INTS10: variants seen among roughly 807,000 people sequenced by gnomAD.
INTS10 encodes chromosome 8 open reading frame 35.
In INTS10, 44 loss-of-function variants were observed where a neutral mutation model predicts 94.4. The ratio of observed to expected loss-of-function variants is 0.47; its 90% confidence interval spans 0.37 to 0.60. INTS10 has a LOEUF of 0.60. Ranked by LOEUF, INTS10 falls within the 20% of genes least tolerant of loss-of-function variation. The pLI, the probability that INTS10 is intolerant of heterozygous loss-of-function variation, is 0.00. For missense variants in INTS10, 797 were observed against 868.7 expected (o/e 0.92, Z 1.04); for synonymous variants, 341 against 320.7 (o/e 1.06, Z -0.68).
chr8:19,823,946 G>A lies in INTS10; in HGVS notation c.738G>A (p.Thr246=), dbSNP rs769531974. Residue 246 remains threonine (T), a synonymous_variant, in exon 7 of 17, where the codon ACG becomes ACA. Coordinates refer to ENST00000397977, the MANE Select transcript of INTS10 (RefSeq NM_018142.4). ...SSQKYIIEGL[T]EKSSQIVDPW... is the part of the protein sequence containing the mutation. Reference sequence around the variant, plus strand: ...AGAAGTACATAATAGAAGGGCTGACGGAAAAATCATCCCAGATCGTGGACC... The same window carrying A: ...AGAAGTACATAATAGAAGGGCTGACAGAAAAATCATCCCAGATCGTGGACC... 9.9e-6 allele frequency: 16 copies of A among 1,613,416 alleles called. No individual in the cohort carries two copies. The highest frequency in any genetic ancestry group is 1.4e-5 in the Non-Finnish European group (16 of 1,179,642).
rs752361766 is a variant in INTS10, at chr8:19,823,291, C to A, written c.524-10C>A. On this transcript the variant is annotated splice_polypyrimidine_tract_variant and intron_variant, in intron 5 of 16. Transcript: ENST00000397977. The stretch of plus-strand genomic sequence containing the variant: ...TAATTAATTTATTTCTTCTTTTTCT[C>A]CTCCAACAGTTTGTGATGTCCTTCC... 4 of 1,600,108 alleles carry A rather than the reference C, an allele frequency of 2.5e-6. No homozygotes were observed. The highest frequency in any genetic ancestry group is 3.4e-6 in the Non-Finnish European group (4 of 1,169,198).
At chr8:19,830,234 C>CA (rs3217496) in intron 9 of INTS10, among the ~76,000 whole-genome samples, 172 bp from the exon 10 acceptor site, 2 of 151,552 alleles carry the variant, frequency 1.3e-5, no homozygotes, top group South Asian at 2.1e-4. Flanking sequence ...AGTATAAAGA[C>CA]AAAAAAAAAT....
In INTS10 at chr8:19,820,102, C is replaced by T. The variant is rs367562548; in HGVS notation, c.302-277C>T. ...TTGAACTTCAACAAGCACATGCTCTCTATCTCAACCTGCAACAGGCATTCT... is the reference window on the plus strand; with the variant it reads ...TTGAACTTCAACAAGCACATGCTCTTTATCTCAACCTGCAACAGGCATTCT... On this transcript the variant is annotated intron_variant, in intron 3 of 16. Coordinates refer to ENST00000397977, the MANE Select transcript of INTS10 (RefSeq NM_018142.4). Among the ~76,000 whole-genome samples, 4 of 152,246 alleles carry T rather than the reference C, an allele frequency of 2.6e-5. No individual in the cohort carries two copies. In the East Asian group the frequency reaches 7.7e-4, roughly 29 times the overall value.
In INTS10 at chr8:19,849,014, A is replaced by C. The variant is rs1590078681; in HGVS notation, c.1977-2635A>C. ...TAGCTTCTCCCCAGTCTCCTTAAAC[A>C]CCCAGCCACGGCCAGGGGCTTGTTG... On this transcript the variant is annotated intron_variant, in intron 16 of 16. Coordinates refer to ENST00000397977, the MANE Select transcript of INTS10 (RefSeq NM_018142.4). The surrounding 1 kb of genome is among the most constrained non-coding windows in gnomAD (Gnocchi z 4.6). The C allele has an allele frequency of 3.1e-6, 1 of 325,842 alleles. No individual in the cohort carries two copies. Among genetic ancestry groups the C allele is most frequent in the African/African-American group, 2.2e-5 (1 of 46,060 alleles). 20.2% of individuals were successfully genotyped at this position (325,842 alleles called of 1,614,324 possible). A position where few individuals can be genotyped will look rare whatever the true frequency, so the allele number is the denominator to read the frequency against.
rs375453388 is a variant in INTS10, at chr8:19,826,438, C to G, written c.1019C>G (p.Pro340Arg). ...TCCCCGTCCTTAGGTCCTAATGCCC[C>G]GAGCCAAGTTCCACTGGTTCTTCTT... ...QPSLFQGPNA[P>R]SQVPLVLLED... The change falls in exon 9 of 17, where the codon CCG becomes CGG. Residue 340 changes from proline (P) to arginine (R), a missense_variant. By Grantham distance (103) the Pro-to-Arg change is moderately radical. This residue lies in a region of INTS10 where 734 missense variants were observed against 787.8 expected (regional missense o/e 0.93). Transcript: ENST00000397977. The G allele has an allele frequency of 6.2e-7, 1 of 1,611,326 alleles. No individual in the cohort carries two copies. Among genetic ancestry groups the G allele is most frequent in the South Asian group, 1.1e-5 (1 of 90,410 alleles).
Position 19,849,153 on chromosome 8 carries a change from T to G in INTS10, c.1977-2496T>G. ...GTGTTTGAATGCTGCTGTTTGCTGTTTTTTAAAGGCCTTCTAGCCCTCCCA... is the reference window on the plus strand; with the variant it reads ...GTGTTTGAATGCTGCTGTTTGCTGTGTTTTAAAGGCCTTCTAGCCCTCCCA... On this transcript the variant is annotated intron_variant, in intron 16 of 16. Coordinates refer to ENST00000397977, the MANE Select transcript of INTS10 (RefSeq NM_018142.4). This position sits in a 1 kb window ranked among gnomAD's most constrained non-coding sequence, Gnocchi z 4.6. 1 of 1,286,556 alleles carries G rather than the reference T, an allele frequency of 7.8e-7. No individual in the cohort carries two copies. Among genetic ancestry groups the G allele is most frequent in the South Asian group, 1.2e-5 (1 of 80,962 alleles). The allele number at this position is 1,286,556 out of a possible 1,614,324, so 79.7% of individuals were successfully genotyped here. A position where few individuals can be genotyped will look rare whatever the true frequency, so the allele number is the denominator to read the frequency against.
At chr8:19,841,379 G>T (rs2068111220) in intron 13 of INTS10, among the ~76,000 whole-genome samples, 1 of 151,916 alleles carries the variant, frequency 6.6e-6, no homozygotes. Flanking sequence ...AAAAGATAAG[G>T]CATAGGCTGC....
chr8:19,824,240 C>T, intron 7 of INTS10, 196 bp downstream of exon 7: 2 of 444,646 alleles, frequency 4.5e-6, no homozygotes, highest in Non-Finnish European at 7.9e-6. Flanking sequence ...ATCTGTAATC[C>T]CAGTGCTTTG....
chr8:19,817,464 CTGCCGT>C lies in INTS10; in HGVS notation c.-73_-68del. ...GCGGTGGCGGCGGCGGCGGCGGTGG[CTGCCGT>C]GGCGGCTGAGAGTCCAGAGCCGGAC... On this transcript the variant is annotated 5_prime_UTR_variant, in exon 1 of 17. Coordinates refer to ENST00000397977, the MANE Select transcript of INTS10 (RefSeq NM_018142.4). The C allele has an allele frequency of 6.5e-7, 1 of 1,542,646 alleles. No individual in the cohort carries two copies. The highest frequency in any genetic ancestry group is 8.7e-7 in the Non-Finnish European group (1 of 1,147,974).
At chr8:19,831,678 G>T (rs2067239224) in intron 10 of INTS10, among the ~76,000 whole-genome samples, 1 of 152,158 alleles carries the variant, frequency 6.6e-6, no homozygotes, top group South Asian at 2.1e-4. Context: ...GTGACAGGGA[G>T]AATGTCTCTA....
At chr8:19,821,446 C>G (rs542779956) in intron 4 of INTS10, 1 of 152,284 alleles carries the variant, frequency 6.6e-6, no homozygotes, top group South Asian at 2.1e-4. Flanking sequence ...CTTTACATGG[C>G]CTTTTTTGTC....
intron 10 of INTS10, among the ~76,000 whole-genome samples, chr8:19,831,612 G>C (rs7835372): frequency 0.17 from 25,660 of 152,104 alleles, 2,439 homozygotes; most frequent in Middle Eastern, 0.28. Flanking sequence ...ACTGCTTGAG[G>C]CCGGAAGGTT....
intron 6 of INTS10, 99 bp downstream of exon 6, chr8:19,823,540 T>C: frequency 2.3e-6 from 2 of 872,916 alleles, no homozygotes; most frequent in Non-Finnish European, 3.6e-6. Context: ...TCTGGATACT[T>C]ACCAGTTTGG....
At chr8:19,819,546 A>T (rs1335682247) in intron 2 of INTS10, 27 bp from the exon 3 acceptor site, 10 of 1,536,718 alleles carry the variant, frequency 6.5e-6, no homozygotes, top group Admixed American at 1.7e-5. Context: ...TTGACATTTT[A>T]ATTTAATGTA....
At position 19,833,153 on chromosome 8, in the gene INTS10, A is replaced by C. The variant is rs370780525; in HGVS notation, c.1378-16A>C. The C allele has an allele frequency of 2.0e-6, 3 of 1,525,208 alleles. No individual in the cohort carries two copies. In the African/African-American group the frequency reaches 4.3e-5, roughly 22 times the overall value. 94.5% of individuals were successfully genotyped at this position (1,525,208 alleles called of 1,614,324 possible). On this transcript the variant is annotated splice_polypyrimidine_tract_variant and intron_variant, in intron 11 of 16. Transcript: ENST00000397977. The stretch of plus-strand genomic sequence containing the variant: ...CAGCGATGCTTTTCCCCTCCTTGCT[A>C]TTCTATCTTTCTTAGGGTCAATATA...
intron 13 of INTS10, among the ~76,000 whole-genome samples, chr8:19,837,692 TGA>T (rs2067771004): frequency 6.6e-6 from 1 of 152,210 alleles, no homozygotes; most frequent in African/African-American, 2.4e-5. Flanking sequence ...ACAGCTGATC[TGA>T]GTTTGTTAGA....
At chr8:19,820,761 A>G (rs1299820461) in intron 4 of INTS10, among the ~76,000 whole-genome samples, 1 of 152,218 alleles carries the variant, frequency 6.6e-6, no homozygotes, top group Admixed American at 6.5e-5. Context: ...GTTTATTGCA[A>G]TCCATATGGT....
chr8:19,841,741 G>A, intron 13 of INTS10: 2 of 446,496 alleles, frequency 4.5e-6, no homozygotes, highest in South Asian at 3.2e-5. Flanking sequence ...AGTTGAACAT[G>A]TCATTACCTA....
At position 19,851,922 on chromosome 8, in the gene INTS10, C is replaced by A; in HGVS notation, c.*117C>A. 1 of 834,096 alleles carries A rather than the reference C, an allele frequency of 1.2e-6. No homozygotes were observed. Among genetic ancestry groups the A allele is most frequent in the Non-Finnish European group, 1.9e-6 (1 of 539,856 alleles). 51.7% of individuals were successfully genotyped at this position (834,096 alleles called of 1,614,324 possible). A position where few individuals can be genotyped will look rare whatever the true frequency, so the allele number is the denominator to read the frequency against. On this transcript the variant is annotated 3_prime_UTR_variant, in exon 17 of 17. Transcript: ENST00000397977. This position sits in a 1 kb window ranked among gnomAD's most constrained non-coding sequence, Gnocchi z 5.0. ...TTGTTGCTGTTACAAAGAAGAAAAC[C>A]ATCTGAGTTCTAACTCCTTGGTTGC... is the stretch of plus-strand genomic sequence containing the variant.
Sources: allele counts gnomAD v4.1 joint callset (sites outside exome capture counted in the v4.1 genomes callset), GRCh38; gene constraint gnomAD v4.1.1; regional missense constraint gnomAD v4.1.1; non-coding constraint Gnocchi (gnomAD v3.1); transcripts MANE v1.5; gene names NCBI Gene and HGNC (gene_info 2026-07-23, HGNC 2026-07-21).